Variants in KANK1 observed in about 807,000 individuals in gnomAD.
KANK1 encodes KN motif and ankyrin repeat domains 1.
Under a neutral mutation model 106.2 loss-of-function variants are expected in KANK1, and 109 were observed. That is an observed-to-expected ratio of 1.03 (90% CI 0.88 to 1.20). The LOEUF (loss-of-function observed/expected upper bound fraction) is 1.20. Ranked by LOEUF, KANK1 falls within the 50% of genes most tolerant of loss-of-function variation. KANK1 has a pLI of 0.00. For missense variants in KANK1, 2,399 were observed against 1,710.7 expected (o/e 1.40, Z -7.10); for synonymous variants, 873 against 652.2 (o/e 1.34, Z -5.16).
chr9:745,547 G>A lies in KANK1; in HGVS notation c.*312G>A, dbSNP rs1836968601. ...GGCACCTTCTGTTCACTCCCACAAA[G>A]TGGTGTCTGGTTCTCACTGAGACGT... On this transcript the variant is annotated 3_prime_UTR_variant, in exon 12 of 12. Coordinates refer to ENST00000382297, the MANE Select transcript of KANK1 (RefSeq NM_015158.5). 3 of 215,816 alleles carry A rather than the reference G, an allele frequency of 1.4e-5. No homozygotes were observed. Among genetic ancestry groups the A allele is most frequent in the Non-Finnish European group, 2.7e-5 (3 of 110,080 alleles). The allele number at this position is 215,816 out of a possible 1,614,324, so 13.4% of individuals were successfully genotyped here.
intron 7 of KANK1, among the ~76,000 whole-genome samples, chr9:735,525 C>G (rs1409871129): frequency 6.6e-6 from 1 of 152,150 alleles, no homozygotes; most frequent in Non-Finnish European, 1.5e-5. Context: ...CCAGACTAAC[C>G]CCCTGGTTGA....
chr9:585,890 A>G (rs1224358603), intron 1 of KANK1, among the ~76,000 whole-genome samples: 1 of 152,220 alleles, frequency 6.6e-6, no homozygotes, highest in Non-Finnish European at 1.5e-5. Context: ...GTGATAGATA[A>G]TGGAAGAACT....
chr9:512,418 G>A (rs925848873), intron 1 of KANK1, among the ~76,000 whole-genome samples: 32 of 151,914 alleles, frequency 2.1e-4, no homozygotes, highest in Admixed American at 3.9e-4. Context: ...CAGGGAGGCC[G>A]GTCTTTTTGT....
intron 7 of KANK1, among the ~76,000 whole-genome samples, chr9:736,793 C>G (rs937286022): frequency 6.6e-6 from 1 of 152,148 alleles, no homozygotes; most frequent in Non-Finnish European, 1.5e-5. Flanking sequence ...ATACCCTGGT[C>G]ACTAGTAAAA....
At chr9:602,650 A>C (rs1828055206) in intron 1 of KANK1, among the ~76,000 whole-genome samples, 1 of 151,870 alleles carries the variant, frequency 6.6e-6, no homozygotes, top group South Asian at 2.1e-4. Flanking sequence ...ATCATCCTAT[A>C]ATAAAGTAAC....
chr9:561,171 A>G (rs1359352506), intron 1 of KANK1, among the ~76,000 whole-genome samples: 1 of 152,190 alleles, frequency 6.6e-6, no homozygotes, highest in Non-Finnish European at 1.5e-5. Flanking sequence ...GAGCAAAGTT[A>G]ATTCTCAACT....
chr9:631,413 T>G (rs570927441), intron 1 of KANK1, among the ~76,000 whole-genome samples: 2 of 152,116 alleles, frequency 1.3e-5, no homozygotes, highest in African/African-American at 2.4e-5. Context: ...TTCATCTCCT[T>G]GAGGACCATC....
intron 1 of KANK1, among the ~76,000 whole-genome samples, chr9:638,945 C>G (rs1837760102): frequency 6.6e-6 from 1 of 152,150 alleles, no homozygotes; most frequent in Non-Finnish European, 1.5e-5. Context: ...GTGGATTTGA[C>G]TGTACTTATT....
intron 1 of KANK1, among the ~76,000 whole-genome samples, chr9:542,544 C>T (rs764459883): frequency 2.2e-4 from 34 of 152,304 alleles, no homozygotes; most frequent in Middle Eastern, 3.4e-3. Flanking sequence ...TATGATCCAG[C>T]AATCCTACTT....
chr9:487,419 G>C (rs1257221887), intron 3 of KANK1, among the ~76,000 whole-genome samples: 12 of 152,146 alleles, frequency 7.9e-5, no homozygotes, highest in Admixed American at 7.9e-4. Context: ...GGTAGGCTAG[G>C]CTAAGCTATG....
chr9:670,310 ATTAT>A (rs1845583661), intron 1 of KANK1, among the ~76,000 whole-genome samples: 1 of 152,050 alleles, frequency 6.6e-6, no homozygotes, highest in East Asian at 1.9e-4. Flanking sequence ...TAAAGGATTT[ATTAT>A]TTATTCCAAT....
intron 1 of KANK1, among the ~76,000 whole-genome samples, chr9:621,990 A>G (rs7046519): frequency 0.25 from 38,188 of 151,954 alleles, 4,998 homozygotes; most frequent in Admixed American, 0.33. Context: ...AAAGATACTA[A>G]GTTTGGTTTT....
intron 1 of KANK1, among the ~76,000 whole-genome samples, chr9:508,577 C>G (rs955644113): frequency 2.0e-5 from 3 of 151,818 alleles, no homozygotes; most frequent in African/African-American, 7.3e-5. Context: ...CACTGCCCCT[C>G]CCGAAGAGTA....
intron 1 of KANK1, among the ~76,000 whole-genome samples, chr9:626,716 T>C (rs1834430075): frequency 6.6e-6 from 1 of 152,156 alleles, no homozygotes; most frequent in African/African-American, 2.4e-5. Context: ...ACCCACCAAT[T>C]CAGGACAGAA....
chr9:535,233 A>G (rs531922296), intron 1 of KANK1, among the ~76,000 whole-genome samples: 1 of 152,252 alleles, frequency 6.6e-6, no homozygotes, highest in Admixed American at 6.5e-5. Flanking sequence ...TGCTTTTGGA[A>G]TAACCCCATT....
At chr9:631,325 G>A (rs1835682386) in intron 1 of KANK1, among the ~76,000 whole-genome samples, 1 of 152,140 alleles carries the variant, frequency 6.6e-6, no homozygotes, top group Non-Finnish European at 1.5e-5. Context: ...AGGATTTGTG[G>A]GGCTCCCCCT....
chr9:484,131 C>G (rs1312303582), intron 3 of KANK1, among the ~76,000 whole-genome samples: 1 of 152,216 alleles, frequency 6.6e-6, no homozygotes, highest in Non-Finnish European at 1.5e-5. Flanking sequence ...CTGAGGGCAG[C>G]TACTTCCCCT....
chr9:743,717 C>G (rs576391632), intron 10 of KANK1, among the ~76,000 whole-genome samples: 1 of 152,154 alleles, frequency 6.6e-6, no homozygotes, highest in South Asian at 2.1e-4. Context: ...AAAAAATTAT[C>G]TAGGTGTGGT....
chr9:476,150 A>G (rs936984302), intron 3 of KANK1, among the ~76,000 whole-genome samples: 1 of 151,778 alleles, frequency 6.6e-6, no homozygotes, highest in Non-Finnish European at 1.5e-5. Context: ...ATCTCAAAAA[A>G]AAAAAAAAAA....
Sources: gnomAD v4.1 joint callset for allele counts (sites outside exome capture counted in the v4.1 genomes callset) on GRCh38, gnomAD v4.1.1 for gene constraint, MANE v1.5 for transcripts, NCBI Gene and HGNC (gene_info 2026-07-23, HGNC 2026-07-21) for gene names.